Variants in SPATA16 observed in about 807,000 individuals in gnomAD.
The protein encoded by SPATA16 is spermatogenesis associated 16, also known as spermatogenesis-associated protein 16.
Under a neutral mutation model 63.3 loss-of-function variants are expected in SPATA16, and 36 were observed. The observed-to-expected ratio is 0.57, with a 90% CI of 0.44 to 0.75. The LOEUF is 0.75. Ranked by LOEUF, SPATA16 falls within the 30% of genes least tolerant of loss-of-function variation. The probability of loss-of-function intolerance (pLI) is 0.00; values close to 1 mark genes in which losing one functional copy is unlikely to be tolerated. For synonymous variants in SPATA16, 203 were observed against 216.7 expected (o/e 0.94, Z 0.56); for missense variants, 646 against 679.3 (o/e 0.95, Z 0.54).
intron 8 of SPATA16, among the ~76,000 whole-genome samples, chr3:172,922,735 A>G (rs1370886307): frequency 6.6e-6 from 1 of 152,206 alleles, no homozygotes; most frequent in Non-Finnish European, 1.5e-5. Flanking sequence ...AGCCGGGCCA[A>G]CATGGCAAAA....
At chr3:173,063,478 C>T (rs1288021898) in intron 2 of SPATA16, among the ~76,000 whole-genome samples, 2 of 152,058 alleles carry the variant, frequency 1.3e-5, no homozygotes, top group South Asian at 2.1e-4. Context: ...GGTCTGGGTC[C>T]GGTGATGAAG....
chr3:172,942,606 C>CT (rs1475054971), intron 6 of SPATA16, among the ~76,000 whole-genome samples: 2 of 152,152 alleles, frequency 1.3e-5, no homozygotes, highest in African/African-American at 4.8e-5. Flanking sequence ...ACTTTAACAT[C>CT]TTTTGTTTCC....
chr3:173,074,109 A>G (rs1280148533), intron 2 of SPATA16, among the ~76,000 whole-genome samples: 5 of 152,186 alleles, frequency 3.3e-5, no homozygotes, highest in Admixed American at 2.6e-4. Context: ...TCCAATGCCT[A>G]TGCTCTCACT....
chr3:173,050,864 A>C (rs2108294880), intron 2 of SPATA16, among the ~76,000 whole-genome samples: 2 of 152,356 alleles, frequency 1.3e-5, no homozygotes, highest in African/African-American at 4.8e-5. Context: ...TCACCTGATA[A>C]AATTGGTAAT....
chr3:173,104,387 A>G (rs1737571512), intron 2 of SPATA16, among the ~76,000 whole-genome samples: 1 of 152,238 alleles, frequency 6.6e-6, no homozygotes, highest in Non-Finnish European at 1.5e-5. Flanking sequence ...GCCATAAAGA[A>G]ATACATAAGT....
At chr3:172,901,755 A>G (rs1203784883) in intron 10 of SPATA16, among the ~76,000 whole-genome samples, 3 of 152,148 alleles carry the variant, frequency 2.0e-5, no homozygotes, top group Non-Finnish European at 4.4e-5. Context: ...TGGGAGTTCA[A>G]GCTCCTCACT....
At chr3:173,082,397 T>C (rs1437147355) in intron 2 of SPATA16, among the ~76,000 whole-genome samples, 1 of 152,186 alleles carries the variant, frequency 6.6e-6, no homozygotes, top group Non-Finnish European at 1.5e-5. Context: ...CTGCTTGTCC[T>C]GTCTGTCGCC....
chr3:173,065,537 CAA>C (rs1230409207), intron 2 of SPATA16, among the ~76,000 whole-genome samples: 1 of 151,974 alleles, frequency 6.6e-6, no homozygotes, highest in African/African-American at 2.4e-5. Flanking sequence ...TCATAAGAAC[CAA>C]AAAAATATTA....
intron 5 of SPATA16, among the ~76,000 whole-genome samples, chr3:172,972,516 A>G (rs1210155271): frequency 6.6e-6 from 1 of 152,162 alleles, no homozygotes; most frequent in African/African-American, 2.4e-5. Context: ...ATTCTTTACA[A>G]TTTTTTAAGA....
intron 6 of SPATA16, among the ~76,000 whole-genome samples, chr3:172,953,464 A>G (rs1733500433): frequency 6.6e-6 from 1 of 152,226 alleles, no homozygotes; most frequent in African/African-American, 2.4e-5. Context: ...CTAGCAGTCC[A>G]GCAGGAAGAG....
chr3:172,942,423 T>C (rs1439098508), intron 6 of SPATA16, among the ~76,000 whole-genome samples: 1 of 152,166 alleles, frequency 6.6e-6, no homozygotes, highest in Non-Finnish European at 1.5e-5. Flanking sequence ...AATTTATTAA[T>C]ATCAGACAAA....
intron 3 of SPATA16, among the ~76,000 whole-genome samples, chr3:173,022,862 A>G (rs886838466): frequency 6.6e-6 from 1 of 152,156 alleles, no homozygotes; most frequent in African/African-American, 2.4e-5. Flanking sequence ...GGTAAAAAAC[A>G]AGAACCATGT....
intron 9 of SPATA16, among the ~76,000 whole-genome samples, chr3:172,915,882 A>C (rs1732472317): frequency 6.6e-6 from 1 of 152,208 alleles, no homozygotes; most frequent in Non-Finnish European, 1.5e-5. Context: ...TTTTAACCCT[A>C]GAAGTGATTA....
chr3:173,012,083 T>C (rs529832015), intron 4 of SPATA16, among the ~76,000 whole-genome samples: 4 of 152,322 alleles, frequency 2.6e-5, no homozygotes, highest in Admixed American at 6.5e-5. Flanking sequence ...TTTCGGCTTC[T>C]TAAAATTCCG....
At chr3:172,891,287 A>T (rs1296073805) in intron 10 of SPATA16, among the ~76,000 whole-genome samples, 1 of 152,220 alleles carries the variant, frequency 6.6e-6, no homozygotes, top group Non-Finnish European at 1.5e-5. Context: ...AATATCCATT[A>T]GGTATCTGCT....
chr3:173,041,595 T>C (rs1735841575), intron 3 of SPATA16, among the ~76,000 whole-genome samples: 2 of 152,158 alleles, frequency 1.3e-5, no homozygotes, highest in African/African-American at 4.8e-5. Flanking sequence ...ACACTAATAC[T>C]TAGTAGCCTA....
chr3:172,975,764 AT>A (rs951712086), intron 5 of SPATA16, among the ~76,000 whole-genome samples: 55 of 151,748 alleles, frequency 3.6e-4, no homozygotes, highest in African/African-American at 9.9e-4. Flanking sequence ...ACTAATTTAA[AT>A]TTTTTTTTAA....
chr3:173,083,731 CAT>C (rs1452707448), intron 2 of SPATA16, among the ~76,000 whole-genome samples: 4 of 152,138 alleles, frequency 2.6e-5, no homozygotes, highest in East Asian at 1.9e-4. Flanking sequence ...TAAGTGAAAA[CAT>C]GTGGTGTTTG....
At chr3:172,899,726 T>C (rs112157874) in intron 10 of SPATA16, among the ~76,000 whole-genome samples, 2,357 of 152,198 alleles carry the variant, frequency 0.015, 50 homozygotes, top group African/African-American at 0.053. Flanking sequence ...AGGTTAAACA[T>C]TTTTCAGAAT....
Sources: gnomAD v4.1 joint callset for allele counts (sites outside exome capture counted in the v4.1 genomes callset) on GRCh38, gnomAD v4.1.1 for gene constraint, MANE v1.5 for transcripts, NCBI Gene and HGNC (gene_info 2026-07-23, HGNC 2026-07-21) for gene names.